SERGEF: variants seen among roughly 807,000 people sequenced by gnomAD.
SERGEF encodes the protein secretion regulating guanine nucleotide exchange factor, also known as secretion-regulating guanine nucleotide exchange factor.
SERGEF carries 51 observed loss-of-function variants against 50.0 expected under a neutral mutation model. The observed-to-expected ratio is 1.02, with a 90% CI of 0.81 to 1.29. The LOEUF is 1.29. Ranked by LOEUF, SERGEF falls within the 50% of genes most tolerant of loss-of-function variation. The pLI, the probability that SERGEF is intolerant of heterozygous loss-of-function variation, is 0.00. For missense variants in SERGEF, 521 were observed against 557.0 expected (o/e 0.94, Z 0.65); for synonymous variants, 205 against 212.4 (o/e 0.97, Z 0.30).
intron 8 of SERGEF, among the ~76,000 whole-genome samples, chr11:17,981,083 C>T (rs1357062509): frequency 6.6e-6 from 1 of 152,214 alleles, no homozygotes; most frequent in Non-Finnish European, 1.5e-5. Flanking sequence ...ACTTCACCCA[C>T]ACTGACCTCT....
chr11:17,969,106 C>T (rs773801785), intron 8 of SERGEF, among the ~76,000 whole-genome samples: 3 of 152,196 alleles, frequency 2.0e-5, no homozygotes, highest in Non-Finnish European at 4.4e-5. Context: ...ATGACTATCA[C>T]TCTCTAAAGC....
intron 9 of SERGEF, among the ~76,000 whole-genome samples, chr11:17,886,910 G>A (rs533169502): frequency 6.6e-6 from 1 of 152,272 alleles, no homozygotes; most frequent in East Asian, 1.9e-4. Context: ...ATGGACACCT[G>A]TCTCAATGTG....
intron 9 of SERGEF, among the ~76,000 whole-genome samples, chr11:17,901,939 C>T (rs770941357): frequency 4.6e-5 from 7 of 152,190 alleles, no homozygotes; most frequent in Non-Finnish European, 1.5e-5. Flanking sequence ...GTAACGTGAA[C>T]ATAACTCAAT....
intron 10 of SERGEF, among the ~76,000 whole-genome samples, chr11:17,877,345 GC>G (rs1473713280): frequency 6.6e-6 from 1 of 152,160 alleles, no homozygotes; most frequent in Non-Finnish European, 1.5e-5. Context: ...CTAAAGCCTA[GC>G]GGAGGGCAAT....
intron 6 of SERGEF, among the ~76,000 whole-genome samples, chr11:17,994,073 C>A (rs1853778373): frequency 6.6e-6 from 1 of 152,194 alleles, no homozygotes. Context: ...ACCGCTTCCA[C>A]CCTTTAAAAG....
chr11:17,953,227 T>C (rs186119296), intron 9 of SERGEF, among the ~76,000 whole-genome samples: 23 of 152,308 alleles, frequency 1.5e-4, no homozygotes, highest in Non-Finnish European at 2.8e-4. Flanking sequence ...ACAGGGAACT[T>C]AGCCCTGCTA....
chr11:17,963,707 A>T (rs186974094), intron 8 of SERGEF, among the ~76,000 whole-genome samples: 29 of 152,298 alleles, frequency 1.9e-4, no homozygotes, highest in African/African-American at 6.7e-4. Flanking sequence ...AATATTTTTT[A>T]ACACATCACC....
chr11:17,912,332 G>C (rs1411983015), intron 9 of SERGEF, among the ~76,000 whole-genome samples: 1 of 152,158 alleles, frequency 6.6e-6, no homozygotes, highest in African/African-American at 2.4e-5. Flanking sequence ...ACTCAGAAAT[G>C]ATATAATTTT....
chr11:17,914,800 T>C (rs1485899603), intron 9 of SERGEF, among the ~76,000 whole-genome samples: 1 of 152,218 alleles, frequency 6.6e-6, no homozygotes, highest in Non-Finnish European at 1.5e-5. Flanking sequence ...TTATTGAGGG[T>C]TATTTTGTGT....
At chr11:17,828,403 C>T (rs1487012249) in intron 10 of SERGEF, among the ~76,000 whole-genome samples, 1 of 152,250 alleles carries the variant, frequency 6.6e-6, no homozygotes, top group Non-Finnish European at 1.5e-5. Flanking sequence ...GTGAGCAGAG[C>T]TGTGGCTGAC....
chr11:17,873,352 T>C (rs1025870124), intron 10 of SERGEF, among the ~76,000 whole-genome samples: 1 of 152,194 alleles, frequency 6.6e-6, no homozygotes, highest in African/African-American at 2.4e-5. Flanking sequence ...GTAAAGCATT[T>C]ACATTCTGCC....
At chr11:17,979,842 T>C (rs1172812523) in intron 8 of SERGEF, among the ~76,000 whole-genome samples, 1 of 152,188 alleles carries the variant, frequency 6.6e-6, no homozygotes, top group Non-Finnish European at 1.5e-5. Context: ...CTTTTAATTC[T>C]AAAATGCTAG....
chr11:17,914,906 C>G (rs1364014395), intron 9 of SERGEF, among the ~76,000 whole-genome samples: 1 of 152,062 alleles, frequency 6.6e-6, no homozygotes, highest in African/African-American at 2.4e-5. Context: ...AGATACTAAA[C>G]AGATAAAATA....
At chr11:17,963,383 A>AG (rs1463812385) in intron 8 of SERGEF, among the ~76,000 whole-genome samples, 5 of 148,224 alleles carry the variant, frequency 3.4e-5, no homozygotes, top group African/African-American at 1.3e-4. Context: ...AAAAAAAAAA[A>AG]AAAAAAAAAA....
chr11:18,006,721 G>T lies in SERGEF; in HGVS notation c.222C>A (p.Gly74=), dbSNP rs375854568. The T allele has an allele frequency of 6.6e-5, 107 of 1,614,124 alleles. No individual in the cohort carries two copies. The South Asian group carries it at 1.1e-3, about 17-fold the overall frequency. ...GCCCCAGTTGCCCATCTTTGTTCAG[G>T]CCACAAACAAAGAGGTCTCCTCCAT... ...VTDGGDLFVC[G]LNKDGQLGLG... is the part of the protein sequence containing the mutation. Residue 74 remains glycine (G), a synonymous_variant, in exon 3 of 11, where the codon GGC becomes GGA. Transcript: ENST00000265965.
intron 9 of SERGEF, among the ~76,000 whole-genome samples, chr11:17,914,577 C>T (rs776702895): frequency 5.9e-5 from 9 of 152,058 alleles, no homozygotes; most frequent in Non-Finnish European, 7.4e-5. Context: ...TACTACTGCC[C>T]TCAGCTAAGT....
intron 10 of SERGEF, among the ~76,000 whole-genome samples, chr11:17,799,817 T>C (rs1453703291): frequency 3.3e-5 from 5 of 152,254 alleles, no homozygotes; most frequent in South Asian, 2.1e-4. Context: ...ACTTAGTATC[T>C]GGTCCGTGTC....
rs78379612 is a variant in SERGEF at position 17,825,169 on chromosome 11, T to G, written c.1049-36756A>C. On this transcript the variant is annotated intron_variant, in intron 10 of 10. Coordinates refer to ENST00000265965, the MANE Select transcript of SERGEF (RefSeq NM_012139.4). ...CTACTATACGCCAGATACTGAGTTATGTGCTGGGGACACTAAAGTAAATGA... is the reference window on the plus strand; with the variant it reads ...CTACTATACGCCAGATACTGAGTTAGGTGCTGGGGACACTAAAGTAAATGA... Among the ~76,000 whole-genome samples, 87 of 152,360 alleles carry G rather than the reference T, an allele frequency of 5.7e-4. No individual in the cohort carries two copies. The East Asian group carries it at 0.016, about 28-fold the overall frequency.
intron 1 of SERGEF, chr11:18,012,693 T>C: frequency 9.2e-7 from 1 of 1,086,296 alleles, no homozygotes; most frequent in Non-Finnish European, 1.2e-6. Flanking sequence ...CCGAGGCAGG[T>C]TCTTCCCGCG....
Sources: gnomAD v4.1 joint callset for allele counts (sites outside exome capture counted in the v4.1 genomes callset) on GRCh38, gnomAD v4.1.1 for gene constraint, MANE v1.5 for transcripts, NCBI Gene and HGNC (gene_info 2026-07-23, HGNC 2026-07-21) for gene names.